The following CCDC148 variants were observed in gnomAD, a reference collection of about 807,000 sequenced individuals.
CCDC148 encodes coiled-coil domain containing 148, also known as coiled-coil domain-containing protein 148.
Under a neutral mutation model 85.7 loss-of-function variants are expected in CCDC148, and 89 were observed. The observed-to-expected ratio is 1.04, with a 90% CI of 0.87 to 1.24. The LOEUF is 1.24. Ranked by LOEUF, CCDC148 falls within the 50% of genes most tolerant of loss-of-function variation. The pLI, the probability that CCDC148 is intolerant of heterozygous loss-of-function variation, is 0.00. For synonymous variants in CCDC148, 230 were observed against 213.9 expected, an observed-to-expected ratio of 1.08 and a Z score of -0.66; for missense variants, 692 against 671.7, an observed-to-expected ratio of 1.03 and a Z score of -0.33.
intron 1 of CCDC148, among the ~76,000 whole-genome samples, chr2:158,372,356 A>T (rs1175058377): frequency 6.6e-6 from 1 of 152,040 alleles, no homozygotes; most frequent in Non-Finnish European, 1.5e-5. Context: ...TAGGGAAACT[A>T]AGTACTTAGT....
intron 1 of CCDC148, among the ~76,000 whole-genome samples, chr2:158,404,242 A>G (rs1383285618): frequency 1.3e-5 from 2 of 152,082 alleles, no homozygotes; most frequent in East Asian, 3.9e-4. Flanking sequence ...TTTGCAATAT[A>G]ATGGCAAGGA....
intron 7 of CCDC148, among the ~76,000 whole-genome samples, chr2:158,336,574 CAATA>C (rs1559079745): frequency 6.6e-6 from 1 of 152,068 alleles, no homozygotes; most frequent in Non-Finnish European, 1.5e-5. Context: ...AAGTTTTATT[CAATA>C]AATATTCATC....
chr2:158,290,792 A>G (rs1690853142), intron 9 of CCDC148, among the ~76,000 whole-genome samples: 1 of 152,166 alleles, frequency 6.6e-6, no homozygotes. Context: ...ATTCCCTAAT[A>G]TTTGGAAGAA....
chr2:158,340,352 C>G lies in CCDC148; in HGVS notation c.376G>C (p.Val126Leu), dbSNP rs1344104377. Residue 126 changes from valine (V) to leucine (L), a missense_variant, in exon 5 of 14, where the codon GTA becomes CTA. Transcript: ENST00000283233. ...CTCAGCTGCTGAATAGGATTTATTA[C>G]ATTTTTAAGATATGTGCACTGTTGT... ...SEQQCTYLKN[V>L]INPIQQLRAD... is the part of the protein sequence containing the mutation. The G allele has an allele frequency of 5.6e-6, 9 of 1,613,832 alleles. No homozygotes were observed. Among genetic ancestry groups the G allele is most frequent in the Non-Finnish European group, 7.6e-6 (9 of 1,179,940 alleles).
intron 10 of CCDC148, among the ~76,000 whole-genome samples, chr2:158,232,973 ATCACAAT>A (rs1245490690): frequency 1.3e-5 from 2 of 152,192 alleles, no homozygotes; most frequent in African/African-American, 4.8e-5. Context: ...ACTATAGTTA[ATCACAAT>A]TCATTGTATC....
At chr2:158,313,932 A>C (rs772742396) in intron 7 of CCDC148, 38 bp from the exon 8 acceptor site, 2 of 1,586,350 alleles carry the variant, frequency 1.3e-6, no homozygotes, top group East Asian at 4.5e-5. Context: ...ATTATTGAGC[A>C]ATCATGAAAT....
chr2:158,292,275 A>C (rs1206883120), intron 9 of CCDC148, among the ~76,000 whole-genome samples: 1 of 152,190 alleles, frequency 6.6e-6, no homozygotes, highest in Non-Finnish European at 1.5e-5. Flanking sequence ...AAATACTCTG[A>C]TGGGAATTCA....
intron 1 of CCDC148, among the ~76,000 whole-genome samples, chr2:158,422,323 G>C (rs191409418): frequency 6.6e-6 from 1 of 151,956 alleles, no homozygotes; most frequent in Non-Finnish European, 1.5e-5. Context: ...TTCCTTTATT[G>C]AGGAAAAATC....
intron 10 of CCDC148, among the ~76,000 whole-genome samples, chr2:158,228,917 A>C (rs1286082908): frequency 1.3e-5 from 2 of 151,662 alleles, no homozygotes; most frequent in African/African-American, 4.9e-5. Context: ...TATGTAACTA[A>C]CCTGCACGTT....
rs536016379 is a variant in CCDC148 at position 158,285,288 on chromosome 2, C to CAAA, written c.1110+24142_1110+24144dup. 2.2e-3 allele frequency among the ~76,000 whole-genome samples: 216 copies of CAAA among 96,196 alleles called. 2 individuals carry two copies. The highest frequency in any genetic ancestry group is 8.0e-3 in the African/African-American group (204 of 25,566). The allele number at this position is 96,196 out of a possible 152,430, so 63.1% of individuals were successfully genotyped here. The stretch of plus-strand genomic sequence containing the variant: ...GGGCAGCAGGAGTAAAACTCCATTT[C>CAAA]AAAAAAAAAAAAAAAAAATCAGTGT... On this transcript the variant is annotated intron_variant, in intron 9 of 13. Coordinates refer to ENST00000283233, the MANE Select transcript of CCDC148 (RefSeq NM_138803.4).
intron 9 of CCDC148, among the ~76,000 whole-genome samples, chr2:158,263,665 C>T (rs1689333589): frequency 6.6e-6 from 1 of 151,904 alleles, no homozygotes; most frequent in Admixed American, 6.6e-5. Context: ...TCTACCAAAC[C>T]CCAGAAATGA....
chr2:158,308,302 T>C (rs561867566), intron 9 of CCDC148, among the ~76,000 whole-genome samples: 1 of 152,314 alleles, frequency 6.6e-6, no homozygotes, highest in Middle Eastern at 3.4e-3. Context: ...ATAAACAAAC[T>C]AGGAATACAA....
intron 9 of CCDC148, among the ~76,000 whole-genome samples, chr2:158,260,751 C>T (rs568140857): frequency 5.3e-5 from 8 of 151,800 alleles, no homozygotes; most frequent in Non-Finnish European, 1.0e-4. Flanking sequence ...AACACGAATG[C>T]AATCTGATTC....
intron 9 of CCDC148, among the ~76,000 whole-genome samples, chr2:158,267,886 G>A (rs1213515175): frequency 6.6e-6 from 1 of 152,086 alleles, no homozygotes; most frequent in Non-Finnish European, 1.5e-5. Context: ...TTAGCATAAT[G>A]TATCTGATGC....
intron 1 of CCDC148, among the ~76,000 whole-genome samples, chr2:158,424,198 C>T (rs577684336): frequency 1.3e-5 from 2 of 152,226 alleles, no homozygotes; most frequent in African/African-American, 4.8e-5. Context: ...ATCATTTGAC[C>T]TAGCCATCCC....
intron 1 of CCDC148, among the ~76,000 whole-genome samples, chr2:158,438,274 G>A (rs9752483): frequency 0.17 from 25,295 of 152,038 alleles, 2,270 homozygotes; most frequent in Middle Eastern, 0.21. Context: ...TACCAAAACC[G>A]AGATATAGAC....
At chr2:158,226,290 C>A (rs1687518284) in intron 10 of CCDC148, among the ~76,000 whole-genome samples, 1 of 152,050 alleles carries the variant, frequency 6.6e-6, no homozygotes, top group Non-Finnish European at 1.5e-5. Context: ...CAATAACAGG[C>A]TCTGAAATTG....
chr2:158,428,864 T>C (rs1011543907), intron 1 of CCDC148, among the ~76,000 whole-genome samples: 3 of 152,026 alleles, frequency 2.0e-5, no homozygotes, highest in African/African-American at 7.2e-5. Context: ...CTATTCACAA[T>C]AGCAAAGACT....
chr2:158,190,624 A>G (rs1161348200), intron 11 of CCDC148, among the ~76,000 whole-genome samples: 2 of 152,026 alleles, frequency 1.3e-5, no homozygotes, highest in Non-Finnish European at 2.9e-5. Context: ...TGGTAGATAT[A>G]GTTTAACTCC....
Sources: allele counts gnomAD v4.1 joint callset (sites outside exome capture counted in the v4.1 genomes callset), GRCh38; gene constraint gnomAD v4.1.1; transcripts MANE v1.5; gene names NCBI Gene and HGNC (gene_info 2026-07-23, HGNC 2026-07-21).